Variants in ZFHX3 observed in about 807,000 individuals in gnomAD.
ZFHX3 encodes the protein zinc finger homeobox protein 3.
Under a neutral mutation model 279.1 loss-of-function variants are expected in ZFHX3, and 42 were observed. The observed-to-expected ratio is 0.15, with a 90% CI of 0.12 to 0.19. The LOEUF (loss-of-function observed/expected upper bound fraction) is 0.19, where lower values mean the gene tolerates loss of function less well. Ranked by LOEUF, ZFHX3 falls within the 10% of genes least tolerant of loss-of-function variation. ZFHX3 has a pLI of 1.00. For synonymous variants in ZFHX3, 2,293 were observed against 1,957.8 expected (o/e 1.17, Z -4.52); for missense variants, 4,981 against 4,754.0 (o/e 1.05, Z -1.40).
chr16:73,017,742 C>G (rs1964157320), intron 1 of ZFHX3, among the ~76,000 whole-genome samples: 1 of 152,044 alleles, frequency 6.6e-6, no homozygotes, highest in Non-Finnish European at 1.5e-5. Context: ...TTAAAATATC[C>G]AAGTGGCCCC....
chr16:73,671,390 C>T (rs2052902562), intron 2 of ZFHX3, among the ~76,000 whole-genome samples: 2 of 152,126 alleles, frequency 1.3e-5, no homozygotes. Context: ...ACGGCCGGAG[C>T]TGAGATGAGC....
chr16:73,488,825 T>A (rs1171004560), intron 2 of ZFHX3, among the ~76,000 whole-genome samples: 3 of 152,198 alleles, frequency 2.0e-5, no homozygotes, highest in African/African-American at 7.2e-5. Flanking sequence ...AGACTGGAGA[T>A]GAAGAGCGTT....
chr16:73,217,527 G>A (rs1400991965), intron 5 of ZFHX3, among the ~76,000 whole-genome samples: 2 of 152,118 alleles, frequency 1.3e-5, no homozygotes, highest in Non-Finnish European at 2.9e-5. Context: ...TAAGACCATT[G>A]TAAATTTGGG....
chr16:73,501,882 C>A (rs879268108), intron 2 of ZFHX3, among the ~76,000 whole-genome samples: 2 of 151,974 alleles, frequency 1.3e-5, no homozygotes, highest in Admixed American at 1.3e-4. Flanking sequence ...GGTGAGGAGC[C>A]GACAGTAGCC....
At chr16:73,148,366 C>T (rs1348492411) in intron 5 of ZFHX3, among the ~76,000 whole-genome samples, 1 of 152,184 alleles carries the variant, frequency 6.6e-6, no homozygotes, top group African/African-American at 2.4e-5. Context: ...AAGCTGAACT[C>T]TTCCTTGTTT....
upstream of ZFHX3, among the ~76,000 whole-genome samples, chr16:73,048,785 CTT>C (rs750244319): frequency 6.6e-6 from 1 of 152,212 alleles, no homozygotes; most frequent in Non-Finnish European, 1.5e-5. Context: ...GTTGCAGAAA[CTT>C]ATAAAAACAT....
chr16:72,945,844 T>G (rs1257753532), intron 3 of ZFHX3, among the ~76,000 whole-genome samples: 1 of 152,004 alleles, frequency 6.6e-6, no homozygotes, highest in Non-Finnish European at 1.5e-5. Flanking sequence ...TTGCTCTCAG[T>G]GCAAGACAAA....
intron 1 of ZFHX3, among the ~76,000 whole-genome samples, chr16:73,022,660 C>T (rs1469068101): frequency 3.3e-5 from 5 of 152,106 alleles, no homozygotes; most frequent in Admixed American, 1.3e-4. Context: ...AGTCCAATGA[C>T]GGCCCACATG....
At chr16:73,683,556 T>C (rs1036817132) in intron 1 of ZFHX3, among the ~76,000 whole-genome samples, 2 of 152,192 alleles carry the variant, frequency 1.3e-5, no homozygotes, top group Non-Finnish European at 2.9e-5. Flanking sequence ...GATTTTTTTT[T>C]TTAAGACAGA....
intron 2 of ZFHX3, among the ~76,000 whole-genome samples, chr16:73,666,498 C>T (rs1173216347): frequency 6.6e-6 from 1 of 151,832 alleles, no homozygotes; most frequent in Non-Finnish European, 1.5e-5. Context: ...AACAAAACCT[C>T]CTGAGACAGA....
intron 1 of ZFHX3, among the ~76,000 whole-genome samples, chr16:72,981,929 C>T (rs2144543708): frequency 6.9e-6 from 1 of 145,056 alleles, no homozygotes; most frequent in East Asian, 2.1e-4. Flanking sequence ...GTCATCCAGG[C>T]TGGAATGCAG....
chr16:72,805,257 C>A (rs762703212), intron 7 of ZFHX3, among the ~76,000 whole-genome samples: 21 of 152,080 alleles, frequency 1.4e-4, no homozygotes, highest in Non-Finnish European at 2.9e-4. Context: ...GCTGGGATTA[C>A]AGGTGTGAGC....
rs76386002 is a variant in ZFHX3 at position 72,974,022 on chromosome 16, T to C, written c.-49-13828A>G. 9.2e-5 allele frequency among the ~76,000 whole-genome samples: 14 copies of C among 152,186 alleles called. 1 individual carries two copies. ...GTCTACTATGGTTCCTAAGTTCCTATTAGGTAGCTCTTAGTCAGCAGAACA... is the reference window on the plus strand; with the variant it reads ...GTCTACTATGGTTCCTAAGTTCCTACTAGGTAGCTCTTAGTCAGCAGAACA... On this transcript the variant is annotated intron_variant, in intron 1 of 9. Coordinates refer to ENST00000268489, the MANE Select transcript of ZFHX3 (RefSeq NM_006885.4).
chr16:73,808,051 C>G (rs1407035217), intron 1 of ZFHX3, among the ~76,000 whole-genome samples: 1 of 152,100 alleles, frequency 6.6e-6, no homozygotes, highest in Non-Finnish European at 1.5e-5. Flanking sequence ...GGCTTACACT[C>G]AGAAACCCTA....
intron 1 of ZFHX3, among the ~76,000 whole-genome samples, chr16:73,022,420 G>A (rs763496248): frequency 7.9e-5 from 12 of 152,132 alleles, no homozygotes; most frequent in Admixed American, 5.9e-4. Context: ...ATACGGAGCC[G>A]GGAGTTTGAG....
At chr16:73,000,340 T>C (rs1191911632) in intron 1 of ZFHX3, among the ~76,000 whole-genome samples, 1 of 152,166 alleles carries the variant, frequency 6.6e-6, no homozygotes, top group African/African-American at 2.4e-5. Context: ...TAAAAAGCCA[T>C]CCGGGAACAA....
At chr16:73,201,908 A>G (rs1032791347) in intron 5 of ZFHX3, among the ~76,000 whole-genome samples, 5 of 152,208 alleles carry the variant, frequency 3.3e-5, no homozygotes, top group African/African-American at 1.2e-4. Context: ...TGCTTCCTAC[A>G]TATTGATGAA....
At chr16:72,815,826 C>CA (rs1392542602) in intron 5 of ZFHX3, among the ~76,000 whole-genome samples, 2 of 151,948 alleles carry the variant, frequency 1.3e-5, no homozygotes, top group East Asian at 1.9e-4. Flanking sequence ...ACATCGGCAA[C>CA]AAAAAAACAA....
intron 3 of ZFHX3, among the ~76,000 whole-genome samples, chr16:73,325,928 A>AAAACACACACACAC (rs368062772): frequency 1.4e-5 from 2 of 145,572 alleles, no homozygotes; most frequent in African/African-American, 5.0e-5. Flanking sequence ...CACACACACA[A>AAAACACACACACAC]ACACACACAC....
Sources: gnomAD v4.1 joint callset for allele counts (sites outside exome capture counted in the v4.1 genomes callset) on GRCh38, gnomAD v4.1.1 for gene constraint, MANE v1.5 for transcripts, NCBI Gene and HGNC (gene_info 2026-07-23, HGNC 2026-07-21) for gene names.